ARHGEF3: variants seen among roughly 807,000 people sequenced by gnomAD.
The protein encoded by ARHGEF3 is Rho guanine nucleotide exchange factor 3, also known as 59.8 kDA protein.
Under a neutral mutation model 63.2 loss-of-function variants are expected in ARHGEF3, and 28 were observed. That is an observed-to-expected ratio of 0.44 (90% CI 0.33 to 0.61). ARHGEF3 has a LOEUF of 0.61. Among genes scored for constraint, ARHGEF3 ranks in the 20% least tolerant of loss-of-function variants. ARHGEF3 has a pLI of 0.03. For synonymous variants in ARHGEF3, 266 were observed against 254.2 expected, an observed-to-expected ratio of 1.05 and a Z score of -0.44; for missense variants, 533 against 659.3, an observed-to-expected ratio of 0.81 and a Z score of 2.10.
intron 2 of ARHGEF3, among the ~76,000 whole-genome samples, chr3:56,993,604 G>T (rs1328998636): frequency 6.6e-6 from 1 of 151,478 alleles, no homozygotes; most frequent in African/African-American, 2.4e-5. Context: ...CATACTCCTG[G>T]GCTCAAGCAA....
chr3:56,997,785 G>A (rs551963511), intron 2 of ARHGEF3, among the ~76,000 whole-genome samples: 8 of 152,228 alleles, frequency 5.3e-5, no homozygotes, highest in Non-Finnish European at 1.0e-4. Context: ...TCATTCCCCT[G>A]TATTATCAGG....
At chr3:57,002,474 ATATGTTATATATATATATATATGT>A (rs58028529) in intron 2 of ARHGEF3, among the ~76,000 whole-genome samples, 4,579 of 20,516 alleles carry the variant, frequency 0.22, 744 homozygotes, top group African/African-American at 0.38. Context: ...ATATATATAT[ATATGTTATATATATATATATATGT>A]TATATATATA....
chr3:56,872,608 C>T (rs11130551), intron 4 of ARHGEF3, among the ~76,000 whole-genome samples: 81,506 of 151,096 alleles, frequency 0.54, 22,086 homozygotes, highest in Non-Finnish European at 0.57. Flanking sequence ...CTCCCTGGTT[C>T]AAGCGACTCT....
At chr3:56,837,312 A>G (rs1192905617) in intron 4 of ARHGEF3, among the ~76,000 whole-genome samples, 1 of 152,204 alleles carries the variant, frequency 6.6e-6, no homozygotes, top group Non-Finnish European at 1.5e-5. Context: ...CATACTCTGA[A>G]AAGAGCACGG....
chr3:56,773,911 C>T (rs2036149663), intron 1 of ARHGEF3, 95 bp from the exon 2 acceptor site: 3 of 999,652 alleles, frequency 3.0e-6, no homozygotes, highest in Non-Finnish European at 4.4e-6. Flanking sequence ...CCACAAGGTA[C>T]TGGTTGTACA....
chr3:56,767,713 C>G (rs1207203892), intron 2 of ARHGEF3, among the ~76,000 whole-genome samples: 1 of 151,126 alleles, frequency 6.6e-6, no homozygotes, highest in African/African-American at 2.4e-5. Flanking sequence ...CTTTTATTCT[C>G]TTTTATGTGC....
intron 3 of ARHGEF3, among the ~76,000 whole-genome samples, chr3:56,903,011 T>G (rs1237564543): frequency 6.6e-6 from 1 of 152,002 alleles, no homozygotes; most frequent in Non-Finnish European, 1.5e-5. Context: ...TTTTTCCTCC[T>G]TCCTCATCCA....
intron 7 of ARHGEF3, among the ~76,000 whole-genome samples, chr3:56,739,232 G>A (rs75611157): frequency 0.012 from 1,760 of 152,194 alleles, 11 homozygotes; most frequent in Non-Finnish European, 0.018. Flanking sequence ...TTAACAGATG[G>A]CAAATGTTGA....
intron 4 of ARHGEF3, among the ~76,000 whole-genome samples, chr3:56,868,768 A>G (rs548500402): frequency 1.2e-4 from 18 of 152,226 alleles, no homozygotes; most frequent in Admixed American, 8.5e-4. Context: ...TGGAAAAAGG[A>G]GAAAAACAAC....
At chr3:56,936,657 G>A (rs1698920548) in intron 3 of ARHGEF3, among the ~76,000 whole-genome samples, 1 of 152,204 alleles carries the variant, frequency 6.6e-6, no homozygotes, top group African/African-American at 2.4e-5. Flanking sequence ...TAGAGCTGAA[G>A]AACAAGTTAA....
chr3:56,882,404 C>G, intron 3 of ARHGEF3: 1 of 1,502,698 alleles, frequency 6.7e-7, no homozygotes, highest in Non-Finnish European at 9.1e-7. Flanking sequence ...GGGGTTATGG[C>G]TTTGATTAAG....
chr3:56,950,900 C>T (rs774387693), intron 3 of ARHGEF3, among the ~76,000 whole-genome samples: 20 of 151,956 alleles, frequency 1.3e-4, no homozygotes, highest in South Asian at 2.1e-4. Flanking sequence ...CAACAATAGA[C>T]TGGATTAAGA....
intron 4 of ARHGEF3, among the ~76,000 whole-genome samples, chr3:56,862,658 C>T (rs1019877862): frequency 1.2e-4 from 19 of 152,320 alleles, no homozygotes; most frequent in African/African-American, 4.3e-4. Context: ...CTTGCCTTCC[C>T]CTTGACCCTG....
chr3:56,881,233 A>G (rs1390694055), intron 4 of ARHGEF3, among the ~76,000 whole-genome samples: 1 of 152,202 alleles, frequency 6.6e-6, no homozygotes, highest in Non-Finnish European at 1.5e-5. Context: ...TTATAGGTAG[A>G]GCCAGAACCA....
At chr3:56,765,068 A>G (rs2035631138) in intron 2 of ARHGEF3, among the ~76,000 whole-genome samples, 1 of 151,998 alleles carries the variant, frequency 6.6e-6, no homozygotes, top group African/African-American at 2.4e-5. Flanking sequence ...AATATCAACT[A>G]TTTACAGTGG....
upstream of ARHGEF3, among the ~76,000 whole-genome samples, chr3:56,805,215 G>A (rs944867353): frequency 9.9e-5 from 15 of 152,154 alleles, no homozygotes; most frequent in African/African-American, 3.1e-4. Flanking sequence ...CAGTGTAACA[G>A]TAAACAAACC....
intron 4 of ARHGEF3, among the ~76,000 whole-genome samples, chr3:56,833,905 A>G (rs1318183451): frequency 7.3e-6 from 1 of 136,362 alleles, no homozygotes; most frequent in Non-Finnish European, 1.6e-5. Flanking sequence ...CAATATTCCA[A>G]TATTCTTTGT....
intron 6 of ARHGEF3, among the ~76,000 whole-genome samples, chr3:56,748,276 C>T (rs966526782): frequency 8.5e-5 from 13 of 152,270 alleles, no homozygotes; most frequent in Admixed American, 7.8e-4. Flanking sequence ...GAGATCCACC[C>T]GCCTCAGGCT....
intron 7 of ARHGEF3, among the ~76,000 whole-genome samples, chr3:56,738,681 C>T (rs1240081562): frequency 4.6e-5 from 7 of 152,040 alleles, no homozygotes; most frequent in South Asian, 2.1e-4. Context: ...AGAGTACTGC[C>T]TGAGATGTAG....
Sources: gnomAD v4.1 joint callset for allele counts (sites outside exome capture counted in the v4.1 genomes callset) on GRCh38, gnomAD v4.1.1 for gene constraint, MANE v1.5 for transcripts, NCBI Gene and HGNC (gene_info 2026-07-23, HGNC 2026-07-21) for gene names.